LRRK1: variants seen among roughly 807,000 people sequenced by gnomAD.
LRRK1 encodes the protein leucine rich repeat kinase 1.
Under a neutral mutation model 209.1 loss-of-function variants are expected in LRRK1, and 113 were observed. The ratio of observed to expected loss-of-function variants is 0.54; its 90% CI spans 0.46 to 0.63. The LOEUF (loss-of-function observed/expected upper bound fraction) is 0.63. Among genes scored for constraint, LRRK1 ranks in the 30% least tolerant of loss-of-function variants. The probability of loss-of-function intolerance (pLI) is 0.00; values close to 1 mark genes in which losing one functional copy is unlikely to be tolerated. For missense variants in LRRK1, 2,284 were observed against 2,632.2 expected (o/e 0.87, Z 2.89); for synonymous variants, 1,144 against 1,099.7 (o/e 1.04, Z -0.80).
Position 101,052,908 on chromosome 15 carries a change from G to C in LRRK1, c.3690-14G>C, listed in dbSNP as rs190416632. ...GGCGGGGGGGATGTGGCTGATGCCG[G>C]GCGTGTGTGGCAGGCTCTTCCTGGA... On this transcript the variant is annotated splice_polypyrimidine_tract_variant and intron_variant, in intron 24 of 33. Coordinates refer to ENST00000388948, the MANE Select transcript of LRRK1 (RefSeq NM_024652.6). 3,168 of 1,600,266 alleles carry C rather than the reference G, an allele frequency of 2.0e-3. 5 individuals carry two copies. Among genetic ancestry groups the C allele is most frequent in the Non-Finnish European group, 2.4e-3 (2,781 of 1,169,462 alleles).
rs753116269 is a variant in LRRK1 at position 101,021,146 on chromosome 15, G to T, written c.1703G>T (p.Cys568Phe). ...NHLDTVPPSV[C>F]LLKSLSELYL... ...CTCGACACAGTCCCTCCCTCGGTTT[G>T]CCTACTGAAGAGCTTATCAGAGCTC... Residue 568 changes from cysteine (C) to phenylalanine (F), a missense_variant, in exon 13 of 34, where the codon TGC becomes TTC. By Grantham distance (205) the Cys-to-Phe change is radical. This residue lies in a region of LRRK1 where 494 missense variants were observed against 522.1 expected (regional missense o/e 0.95). Coordinates refer to ENST00000388948, the MANE Select transcript of LRRK1 (RefSeq NM_024652.6). 45 of 1,613,980 alleles carry T rather than the reference G, an allele frequency of 2.8e-5. No homozygotes were observed. In the East Asian group the frequency reaches 9.8e-4, roughly 35 times the overall value.
chr15:101,003,773 G>T (rs2032814022), intron 6 of LRRK1, among the ~76,000 whole-genome samples: 1 of 152,168 alleles, frequency 6.6e-6, no homozygotes, highest in Non-Finnish European at 1.5e-5. Context: ...TGAGATTTGG[G>T]TGGGGACACA....
intron 6 of LRRK1, 33 bp downstream of exon 6, chr15:100,989,431 G>A (rs60228789): frequency 1.2e-6 from 2 of 1,610,184 alleles, no homozygotes; most frequent in African/African-American, 2.7e-5. Context: ...GTGTGTTTTA[G>A]TTCCTTTTGT....
At chr15:101,017,789 C>G (rs1328422490) in intron 12 of LRRK1, among the ~76,000 whole-genome samples, 2 of 151,966 alleles carry the variant, frequency 1.3e-5, no homozygotes, top group Non-Finnish European at 2.9e-5. Context: ...TAATATATGA[C>G]AAAGGCAGAA....
chr15:100,938,876 G>A (rs954207970), intron 2 of LRRK1, among the ~76,000 whole-genome samples: 1 of 152,086 alleles, frequency 6.6e-6, no homozygotes, highest in African/African-American at 2.4e-5. Flanking sequence ...TGGATCACCT[G>A]AGGTCAGGAG....
chr15:100,941,318 G>GTCTCTGTGTGTGTCTGTA (rs1320494641), intron 2 of LRRK1, among the ~76,000 whole-genome samples: 1 of 86,340 alleles, frequency 1.2e-5, no homozygotes, highest in African/African-American at 7.1e-5. Context: ...GTGTGTCTGT[G>GTCTCTGTGTGTGTCTGTA]TGTGTGTGTC....
chr15:101,036,886 G>A (rs967647074), intron 20 of LRRK1, among the ~76,000 whole-genome samples: 1 of 152,204 alleles, frequency 6.6e-6, no homozygotes, highest in Admixed American at 6.5e-5. Context: ...CAATGTCAGT[G>A]GCATCTGTGA....
chr15:101,039,872 T>C (rs1211787015), intron 20 of LRRK1, among the ~76,000 whole-genome samples: 1 of 152,232 alleles, frequency 6.6e-6, no homozygotes. Flanking sequence ...CTGTTAAATA[T>C]GTTGATGGAT....
At chr15:100,954,726 T>C (rs1265831653) in intron 2 of LRRK1, among the ~76,000 whole-genome samples, 9 of 152,260 alleles carry the variant, frequency 5.9e-5, no homozygotes, top group Non-Finnish European at 8.8e-5. Flanking sequence ...CCAGTTTTTT[T>C]CGACACTATT....
intron 3 of LRRK1, among the ~76,000 whole-genome samples, chr15:100,974,448 G>A (rs140821173): frequency 6.6e-6 from 1 of 151,974 alleles, no homozygotes; most frequent in Non-Finnish European, 1.5e-5. Flanking sequence ...TGTTGTTGTT[G>A]TTTCTAATAT....
rs8027208 is a variant in LRRK1 at position 100,978,980 on chromosome 15, C to T, written c.262-4548C>T. On this transcript the variant is annotated intron_variant, in intron 3 of 33. Transcript: ENST00000388948. The stretch of plus-strand genomic sequence containing the variant: ...CCAATGCCCATTATGAATGTGGATG[C>T]AAAAATTCTTCACAAAATATTAGCA... Among the ~76,000 whole-genome samples the T allele has an allele frequency of 7.8e-3, 1,192 of 152,180 alleles. 17 individuals are homozygous for T. Among genetic ancestry groups the T allele is most frequent in the African/African-American group, 0.028 (1,145 of 41,526 alleles).
chr15:100,992,074 G>T (rs898449758), intron 6 of LRRK1, among the ~76,000 whole-genome samples: 2 of 151,856 alleles, frequency 1.3e-5, no homozygotes, highest in African/African-American at 2.4e-5. Flanking sequence ...TTGATCTATT[G>T]ATATTTTATT....
At chr15:101,067,701 G>A (rs2036613730) in intron 33 of LRRK1, among the ~76,000 whole-genome samples, 1 of 152,210 alleles carries the variant, frequency 6.6e-6, no homozygotes, top group African/African-American at 2.4e-5. Context: ...TACTCTGTAA[G>A]TGGTTCTGGA....
intron 2 of LRRK1, among the ~76,000 whole-genome samples, chr15:100,964,937 T>C (rs1261383849): frequency 6.6e-6 from 1 of 152,190 alleles, no homozygotes; most frequent in Non-Finnish European, 1.5e-5. Flanking sequence ...ATTCCAATGA[T>C]TGGGACAGGA....
At chr15:100,922,290 C>T (rs1400472312) in intron 1 of LRRK1, among the ~76,000 whole-genome samples, 1 of 152,156 alleles carries the variant, frequency 6.6e-6, no homozygotes, top group Non-Finnish European at 1.5e-5. Flanking sequence ...AAAACTTCTA[C>T]CTTAGAATAT....
chr15:100,997,976 C>T (rs1439697500), intron 6 of LRRK1, among the ~76,000 whole-genome samples: 3 of 152,036 alleles, frequency 2.0e-5, no homozygotes, highest in African/African-American at 7.3e-5. Flanking sequence ...GTTAGGAGTT[C>T]GAGACCAGCC....
chr15:101,011,146 C>T (rs1310624145), intron 9 of LRRK1, among the ~76,000 whole-genome samples: 1 of 152,030 alleles, frequency 6.6e-6, no homozygotes, highest in Non-Finnish European at 1.5e-5. Context: ...AAGGAGGGTT[C>T]AGTTCTTTTA....
At position 101,057,001 on chromosome 15, in the gene LRRK1, G is replaced by A. The variant is rs367806940; in HGVS notation, c.4478G>A (p.Arg1493Gln). 44 of 1,613,698 alleles carry A rather than the reference G, an allele frequency of 2.7e-5. No individual in the cohort carries two copies. Among genetic ancestry groups the A allele is most frequent in the East Asian group, 6.7e-5 (3 of 44,872 alleles). Reference protein sequence around the residue: ...VLGQPEEVQFRRLQALMMECW... With the variant: ...VLGQPEEVQFQRLQALMMECW... Reference sequence around the variant, plus strand: ...GGGCAGCCGGAGGAAGTGCAGTTCCGGCGACTGCAGGCGCTCATGATGGAG... The same window carrying A: ...GGGCAGCCGGAGGAAGTGCAGTTCCAGCGACTGCAGGCGCTCATGATGGAG... The change falls in exon 28 of 34, where the codon CGG (arginine) becomes CAG (glutamine). Residue 1493 changes from arginine (R) to glutamine (Q), a missense_variant. This residue lies in a region of LRRK1 where 643 missense variants were observed against 695.9 expected (regional missense o/e 0.92). Transcript: ENST00000388948.
Position 101,068,692 on chromosome 15 carries a change from G to A in LRRK1, c.5892G>A (p.Val1964=). The change falls in exon 34 of 34, where the codon GTG becomes GTA. Residue 1964 remains valine (V), a synonymous_variant. Transcript: ENST00000388948. ...GCAGGGTGCTGGTGGATGCTGCCGT[G>A]GTGGCAAAGGACACTGTTGTGTGCA... ...TPHGVLVDAA[V]VAKDTVVCTF... The A allele has an allele frequency of 1.2e-6, 2 of 1,604,074 alleles. No homozygotes were observed. The highest frequency in any genetic ancestry group is 2.2e-5 in the East Asian group (1 of 44,614).
Sources: allele counts gnomAD v4.1 joint callset (sites outside exome capture counted in the v4.1 genomes callset), GRCh38; gene constraint gnomAD v4.1.1; regional missense constraint gnomAD v4.1.1; transcripts MANE v1.5; gene names NCBI Gene and HGNC (gene_info 2026-07-23, HGNC 2026-07-21).